The following PKD2L1 variants were observed in gnomAD, a reference collection of about 807,000 sequenced individuals.
The protein encoded by PKD2L1 is polycystin-2-like protein 1.
Under a neutral mutation model 93.0 loss-of-function variants are expected in PKD2L1, and 77 were observed. The observed-to-expected ratio is 0.83, with a 90% confidence interval of 0.69 to 1.00. The LOEUF is 1.00. PKD2L1 is among the 50% of genes least tolerant of loss of function. PKD2L1 has a pLI of 0.00. For missense variants in PKD2L1, 977 were observed against 990.9 expected, an observed-to-expected ratio of 0.99 and a Z score of 0.19; for synonymous variants, 390 against 388.0, an observed-to-expected ratio of 1.01 and a Z score of -0.06.
chr10:100,289,944 A>C, intron 14 of PKD2L1, 71 bp downstream of exon 14: 1 of 1,566,476 alleles, frequency 6.4e-7, no homozygotes, highest in Non-Finnish European at 8.8e-7. Flanking sequence ...TTCTTGCCCC[A>C]CCCACTGAGT....
chr10:100,323,906 C>T (rs1474825469), intron 2 of PKD2L1, among the ~76,000 whole-genome samples: 1 of 152,138 alleles, frequency 6.6e-6, no homozygotes, highest in Non-Finnish European at 1.5e-5. Flanking sequence ...CAGCTCACTG[C>T]AACCTCCGCC....
At chr10:100,300,598 G>A (rs183371089) in intron 2 of PKD2L1, among the ~76,000 whole-genome samples, 290 of 152,178 alleles carry the variant, frequency 1.9e-3, no homozygotes, top group African/African-American at 6.7e-3. Context: ...TTTTAAATTC[G>A]GTTATGCATT....
rs1200664066 is a variant in PKD2L1 at position 100,297,211 on chromosome 10, A to G, written c.957-3T>C. The G allele has an allele frequency of 3.1e-6, 5 of 1,612,378 alleles. No homozygotes were observed. The highest frequency in any genetic ancestry group is 3.3e-5 in the Admixed American group (2 of 60,018). ...TAGCTGGAAACTCCACCACCAGCCT[A>G]TAGGGGGAGGGGGAGATGACCTCCA... On this transcript the variant is annotated splice_region_variant and splice_polypyrimidine_tract_variant and intron_variant, in intron 5 of 15. Coordinates refer to ENST00000318222, the MANE Select transcript of PKD2L1 (RefSeq NM_016112.3).
Position 100,288,471 on chromosome 10 carries a change from G to T in PKD2L1, c.2343C>A (p.Pro781=), listed in dbSNP as rs920914482. 3 of 1,605,500 alleles carry T rather than the reference G, an allele frequency of 1.9e-6. No homozygotes were observed. Among genetic ancestry groups the T allele is most frequent in the Non-Finnish European group, 2.6e-6 (3 of 1,172,184 alleles). The change falls in exon 16 of 16, where the codon CCC becomes CCA. Residue 781 remains proline, a synonymous_variant. Coordinates refer to ENST00000318222, the MANE Select transcript of PKD2L1 (RefSeq NM_016112.3). The part of the protein sequence containing the change: ...GVQGGQESEV[P]YKREEEALEE... ...CTAAGGCTTCCTCTTCTCTTTTATA[G>T]GGAACCTCTGTGGGGGAAAACGAGA...
chr10:100,302,953 T>C (rs1300473038), intron 2 of PKD2L1, among the ~76,000 whole-genome samples: 1 of 152,134 alleles, frequency 6.6e-6, no homozygotes, highest in East Asian at 1.9e-4. Flanking sequence ...TATTGAAGTA[T>C]TTAGGAACAA....
intron 9 of PKD2L1, among the ~76,000 whole-genome samples, 163 bp downstream of exon 9, chr10:100,294,372 C>T (rs1332754618): frequency 6.6e-6 from 1 of 152,124 alleles, no homozygotes; most frequent in East Asian, 1.9e-4. Context: ...ACCATGCTGG[C>T]TGTACTACAT....
At position 100,299,574 on chromosome 10, in the gene PKD2L1, A is replaced by G; in HGVS notation, c.477+17T>C. The G allele has an allele frequency of 6.2e-7, 1 of 1,612,684 alleles. No individual in the cohort carries two copies. The highest frequency in any genetic ancestry group is 8.5e-7 in the Non-Finnish European group (1 of 1,178,836). ...TTGAGAAAGAGAGGGGAGGGGTAGA[A>G]AAGATCTTATACTCACATCCCAGAA... On this transcript the variant is annotated intron_variant, in intron 3 of 15. Coordinates refer to ENST00000318222, the MANE Select transcript of PKD2L1 (RefSeq NM_016112.3).
intron 2 of PKD2L1, among the ~76,000 whole-genome samples, chr10:100,319,047 T>C (rs530173163): frequency 4.7e-4 from 71 of 152,106 alleles, no homozygotes; most frequent in Non-Finnish European, 9.1e-4. Flanking sequence ...GGTTTCACCA[T>C]GTTGCCCAGG....
chr10:100,292,797 G>C, intron 11 of PKD2L1, 151 bp downstream of exon 11: 1 of 722,328 alleles, frequency 1.4e-6, no homozygotes, highest in East Asian at 2.6e-5. Context: ...AAGGTCAGGA[G>C]CGGAGACCTA....
At chr10:100,320,500 C>T (rs1480227817) in intron 2 of PKD2L1, among the ~76,000 whole-genome samples, 1 of 152,158 alleles carries the variant, frequency 6.6e-6, no homozygotes, top group Non-Finnish European at 1.5e-5. Context: ...TCTTTCCACT[C>T]CCAAGAGCCC....
At chr10:100,315,031 G>A (rs1849060644) in intron 2 of PKD2L1, among the ~76,000 whole-genome samples, 1 of 9,934 alleles carries the variant, frequency 1.0e-4, no homozygotes, top group African/African-American at 7.2e-4. Flanking sequence ...GAAGGGAAGG[G>A]AAGGGAAGGG....
chr10:100,314,267 TA>T (rs1013568085), intron 2 of PKD2L1, among the ~76,000 whole-genome samples: 4 of 151,210 alleles, frequency 2.6e-5, no homozygotes, highest in South Asian at 2.1e-4. Flanking sequence ...GAGAGCCCTT[TA>T]AAAAAAAATC....
intron 6 of PKD2L1, among the ~76,000 whole-genome samples, 153 bp downstream of exon 6, chr10:100,296,825 CAT>C (rs1031796262): frequency 6.6e-6 from 1 of 151,498 alleles, no homozygotes; most frequent in African/African-American, 2.4e-5. Context: ...GAGAGGGGAA[CAT>C]GTCCCTCTCA....
At chr10:100,326,342 C>T (rs1276197043) in intron 2 of PKD2L1, among the ~76,000 whole-genome samples, 1 of 152,218 alleles carries the variant, frequency 6.6e-6, no homozygotes, top group African/African-American at 2.4e-5. Context: ...TCTGCTCCAG[C>T]CACGTTGATG....
chr10:100,321,236 G>A (rs1849219765), intron 2 of PKD2L1, among the ~76,000 whole-genome samples: 1 of 151,870 alleles, frequency 6.6e-6, no homozygotes, highest in South Asian at 2.1e-4. Flanking sequence ...GAGGTGGGTG[G>A]ATCACAATGT....
Position 100,330,025 on chromosome 10 carries a change from C to CT in PKD2L1, c.78_79insA (p.Gly27ArgfsTer28), listed in dbSNP as rs1458862175. ...AGCGTCCCGTGTGGGGAAGGGGGAC[C>CT]ACTGTAGGCGGGGTTGTCCCAGGCT... On this transcript the variant is annotated frameshift_variant, in exon 1 of 16. Transcript: ENST00000318222. LOFTEE classifies it high-confidence loss of function. The CT allele has an allele frequency of 1.2e-6, 2 of 1,613,348 alleles. No homozygotes were observed. Among genetic ancestry groups the CT allele is most frequent in the African/African-American group, 1.3e-5 (1 of 74,908 alleles).
chr10:100,327,647 G>A (rs1849407741), intron 2 of PKD2L1, among the ~76,000 whole-genome samples: 1 of 152,210 alleles, frequency 6.6e-6, no homozygotes, highest in Admixed American at 6.5e-5. Context: ...TGAAAAAGGA[G>A]ATGACTTCTC....
At position 100,324,862 on chromosome 10, in the gene PKD2L1, C is replaced by T. The variant is rs936006413; in HGVS notation, c.349+4349G>A. 4.6e-5 allele frequency among the ~76,000 whole-genome samples: 7 copies of T among 152,286 alleles called. 1 individual carries two copies. Among genetic ancestry groups the T allele is most frequent in the Admixed American group, 6.5e-5 (1 of 15,294 alleles). ...GAGCATTTGAACCCGGTCATGGGAA[C>T]TGACATGGAAAAGCACACTGGCACA... On this transcript the variant is annotated intron_variant, in intron 2 of 15. Coordinates refer to ENST00000318222, the MANE Select transcript of PKD2L1 (RefSeq NM_016112.3).
rs1312076293 is a variant in PKD2L1, at chr10:100,295,135, A to C, written c.1357-12T>G. On this transcript the variant is annotated splice_polypyrimidine_tract_variant and intron_variant, in intron 7 of 15. Transcript: ENST00000318222. ...ATGTACTTGAATATCTGGAAGGACC[A>C]TGTTGAACCAAGGGATGAAGAAGGA... The C allele has an allele frequency of 8.7e-6, 14 of 1,609,714 alleles. No individual in the cohort carries two copies. Among genetic ancestry groups the C allele is most frequent in the Middle Eastern group, 1.7e-4 (1 of 6,058 alleles).
Sources: allele counts gnomAD v4.1 joint callset (sites outside exome capture counted in the v4.1 genomes callset), GRCh38; gene constraint gnomAD v4.1.1; transcripts MANE v1.5; gene names NCBI Gene and HGNC (gene_info 2026-07-23, HGNC 2026-07-21).